The following FOXP2 variants were observed in gnomAD, a reference collection of about 807,000 sequenced individuals.
FOXP2 encodes the protein forkhead box protein P2.
A neutral mutation model predicts 115.8 loss-of-function variants in FOXP2; 12 were observed. The observed-to-expected ratio is 0.10, with a 90% CI of 0.07 to 0.17. The LOEUF (loss-of-function observed/expected upper bound fraction) is 0.17. Among genes scored for constraint, FOXP2 ranks in the 10% least tolerant of loss-of-function variants. The pLI is 1.00. For missense variants in FOXP2, 629 were observed against 843.5 expected (o/e 0.75, Z 3.15); for synonymous variants, 328 against 297.7 (o/e 1.10, Z -1.05).
At chr7:114,426,818 T>A in intron 2 of FOXP2, 139 bp downstream of exon 2, 2 of 944,278 alleles carry the variant, frequency 2.1e-6, no homozygotes, top group Non-Finnish European at 3.3e-6. Context: ...GGAACATGAT[T>A]GAAGGATGAG....
At chr7:114,482,419 A>T (rs1028769876) in intron 2 of FOXP2, among the ~76,000 whole-genome samples, 4 of 151,594 alleles carry the variant, frequency 2.6e-5, no homozygotes, top group African/African-American at 9.7e-5. Flanking sequence ...AACTGAAGGT[A>T]ATTTGAGATT....
chr7:114,646,449 G>A (rs1805900428), intron 8 of FOXP2, among the ~76,000 whole-genome samples: 1 of 151,866 alleles, frequency 6.6e-6, no homozygotes, highest in Non-Finnish European at 1.5e-5. Flanking sequence ...ACCTTAAATA[G>A]TCTTCTTTCA....
rs750833853 is a variant in FOXP2, at chr7:114,228,257, A to AT, written c.-101-59756dup. Among the ~76,000 whole-genome samples the AT allele has an allele frequency of 9.2e-5, 14 of 152,092 alleles. No homozygotes were observed. The East Asian group carries it at 1.3e-3, about 15-fold the overall frequency. ...GTGTTGCTGGAAAGACCTACTAGGA[A>AT]TTTTTTGTGTTTTTACTTTGTTTCA... On this transcript the variant is annotated intron_variant, in intron 1 of 17. Transcript: ENST00000634411.
At chr7:114,329,484 A>C in intron 2 of FOXP2, among the ~76,000 whole-genome samples, 1 of 149,368 alleles carries the variant, frequency 6.7e-6, no homozygotes, top group African/African-American at 2.5e-5. Context: ...GTGCCATTGA[A>C]CTCCAGCCTG....
Position 114,628,637 on chromosome 7 carries a change from A to G in FOXP2, c.356A>G (p.Gln119Arg). ...CAAGTCCTGTCTCCTCAGCAGCTAC[A>G]AGCCCTTCTCCAACAACAGCAGGCT... ...QQQVLSPQQLQALLQQQQAVM... is the reference protein window; with the variant it reads ...QQQVLSPQQLRALLQQQQAVM... Residue 119 changes from glutamine (Q) to arginine (R), a missense_variant, in exon 4 of 17, where the codon CAA (glutamine) becomes CGA (arginine). Physicochemically the swap from Gln to Arg is conservative, Grantham distance 43 (BLOSUM62 1). This residue lies in a region of FOXP2 where 138 missense variants were observed against 205.1 expected (regional missense o/e 0.67). Transcript: ENST00000350908. 1 of 1,614,042 alleles carries G rather than the reference A, an allele frequency of 6.2e-7. No homozygotes were observed. Among genetic ancestry groups the G allele is most frequent in the Non-Finnish European group, 8.5e-7 (1 of 1,179,960 alleles).
At chr7:114,154,059 G>A (rs1429011066) in intron 1 of FOXP2, among the ~76,000 whole-genome samples, 1 of 152,106 alleles carries the variant, frequency 6.6e-6, no homozygotes, top group Non-Finnish European at 1.5e-5. Flanking sequence ...CAACTGATCT[G>A]CATTTCAAAG....
At chr7:114,263,073 A>G (rs1795797158) in intron 1 of FOXP2, among the ~76,000 whole-genome samples, 1 of 152,048 alleles carries the variant, frequency 6.6e-6, no homozygotes, top group South Asian at 2.1e-4. Flanking sequence ...AACTCTTTAT[A>G]TTTCTTTGAC....
chr7:114,480,946 G>A (rs1394476520), intron 2 of FOXP2, among the ~76,000 whole-genome samples: 1 of 150,984 alleles, frequency 6.6e-6, no homozygotes, highest in East Asian at 1.9e-4. Flanking sequence ...CAGTATTCTC[G>A]AGCTCTGGAT....
At chr7:114,627,726 A>G (rs995171027) in intron 3 of FOXP2, among the ~76,000 whole-genome samples, 1 of 152,168 alleles carries the variant, frequency 6.6e-6, no homozygotes, top group African/African-American at 2.4e-5. Flanking sequence ...AAGTAGTGGG[A>G]AAAAAGTTTT....
intron 1 of FOXP2, among the ~76,000 whole-genome samples, chr7:114,166,265 T>G (rs1271281548): frequency 6.6e-6 from 1 of 152,162 alleles, no homozygotes; most frequent in African/African-American, 2.4e-5. Flanking sequence ...TGGATTTCAT[T>G]AAAATTAAAA....
At chr7:114,289,557 T>C (rs927046424) in intron 2 of FOXP2, among the ~76,000 whole-genome samples, 11 of 151,994 alleles carry the variant, frequency 7.2e-5, no homozygotes, top group African/African-American at 2.4e-4. Context: ...ATTTGTATCA[T>C]AGCAGATGGA....
intron 1 of FOXP2, among the ~76,000 whole-genome samples, chr7:114,166,647 A>G (rs1395627416): frequency 6.6e-6 from 1 of 152,062 alleles, no homozygotes; most frequent in Non-Finnish European, 1.5e-5. Context: ...AGAGGTTGCA[A>G]TGAACCAAGA....
chr7:114,255,785 C>G (rs1203452648), intron 1 of FOXP2, among the ~76,000 whole-genome samples: 2 of 152,112 alleles, frequency 1.3e-5, no homozygotes, highest in African/African-American at 4.8e-5. Context: ...ACTCGGTGTG[C>G]TCCACCCACT....
rs895400705 is a variant in FOXP2, at chr7:114,524,193, T to G, written c.169-10424T>G. Reference sequence around the variant, plus strand: ...TTTTCATCTTTAATATTGGCCTTTTTTTCTGTAGTGAACATCCTAAATCTA... The same window carrying G: ...TTTTCATCTTTAATATTGGCCTTTTGTTCTGTAGTGAACATCCTAAATCTA... On this transcript the variant is annotated intron_variant, in intron 2 of 16. Coordinates refer to ENST00000350908, the MANE Select transcript of FOXP2 (RefSeq NM_014491.4). Among the ~76,000 whole-genome samples the G allele has an allele frequency of 7.9e-5, 12 of 152,168 alleles. 1 individual carries two copies. The highest frequency in any genetic ancestry group is 2.7e-4 in the African/African-American group (11 of 41,448).
At chr7:114,447,829 A>G (rs974405528) in intron 2 of FOXP2, among the ~76,000 whole-genome samples, 1 of 152,092 alleles carries the variant, frequency 6.6e-6, no homozygotes, top group African/African-American at 2.4e-5. Context: ...GGGAAGGACC[A>G]TTTTTCCAAG....
chr7:114,580,351 G>A (rs1261546827), intron 3 of FOXP2, among the ~76,000 whole-genome samples: 1 of 152,236 alleles, frequency 6.6e-6, no homozygotes, highest in African/African-American at 2.4e-5. Context: ...GCTGAGGCGG[G>A]TGGATCACCT....
chr7:114,203,922 T>C (rs1402006937), intron 1 of FOXP2, among the ~76,000 whole-genome samples: 1 of 152,210 alleles, frequency 6.6e-6, no homozygotes, highest in Admixed American at 6.5e-5. Context: ...CATGGTAATA[T>C]TTAATATACT....
chr7:114,507,446 G>A (rs1205946224), intron 2 of FOXP2, among the ~76,000 whole-genome samples: 2 of 151,894 alleles, frequency 1.3e-5, no homozygotes, highest in Non-Finnish European at 2.9e-5. Context: ...TTGACCAAAA[G>A]TTGAAATTGA....
intron 1 of FOXP2, among the ~76,000 whole-genome samples, chr7:114,228,314 A>C (rs1794792355): frequency 6.6e-6 from 1 of 152,120 alleles, no homozygotes; most frequent in South Asian, 2.1e-4. Context: ...AAAAGCTTTA[A>C]CAGTATTACT....
Sources: gnomAD v4.1 joint callset for allele counts (sites outside exome capture counted in the v4.1 genomes callset) on GRCh38, gnomAD v4.1.1 for gene constraint, gnomAD v4.1.1 regional missense constraint, MANE v1.5 for transcripts, NCBI Gene and HGNC (gene_info 2026-07-23, HGNC 2026-07-21) for gene names.